The following LPIN1 variants were observed in gnomAD, a reference collection of about 807,000 sequenced individuals.
The protein encoded by LPIN1 is lipin 1, also known as phosphatidate phosphatase LPIN1.
Under a neutral mutation model 107.5 loss-of-function variants are expected in LPIN1, and 71 were observed. The observed-to-expected ratio is 0.66, with a 90% confidence interval of 0.55 to 0.80. The LOEUF is 0.80. LPIN1 is among the 30% of genes least tolerant of loss of function. The pLI is 0.00. For missense variants in LPIN1, 1,043 were observed against 1,160.6 expected, an observed-to-expected ratio of 0.90 and a Z score of 1.47; for synonymous variants, 445 against 452.6, an observed-to-expected ratio of 0.98 and a Z score of 0.21.
At chr2:11,813,856 G>T (rs1461705873) in intron 17 of LPIN1, among the ~76,000 whole-genome samples, 4 of 152,112 alleles carry the variant, frequency 2.6e-5, no homozygotes, top group Non-Finnish European at 4.4e-5. Context: ...AGAGGTTGCA[G>T]TGCGCCAAGA....
intron 1 of LPIN1, among the ~76,000 whole-genome samples, chr2:11,758,221 G>C (rs1184962077): frequency 2.6e-5 from 4 of 151,664 alleles, no homozygotes; most frequent in Admixed American, 1.3e-4. Flanking sequence ...ATGCTGCCAC[G>C]ACCATGGGTG....
intron 19 of LPIN1, 87 bp from the exon 20 acceptor site, chr2:11,820,324 A>C: frequency 7.3e-6 from 6 of 823,774 alleles, no homozygotes; most frequent in Non-Finnish European, 1.3e-5. Context: ...AAAATTTGAT[A>C]TCTCATCAAA....
At chr2:11,812,853 C>T (rs772112600) in intron 17 of LPIN1, among the ~76,000 whole-genome samples, 4 of 152,102 alleles carry the variant, frequency 2.6e-5, no homozygotes, top group East Asian at 3.9e-4. Flanking sequence ...TCAAGATTGT[C>T]GCAGCAACGG....
chr2:11,813,873 C>T (rs146170964), intron 17 of LPIN1, among the ~76,000 whole-genome samples: 1,745 of 152,048 alleles, frequency 0.011, 36 homozygotes, highest in African/African-American at 0.039. Flanking sequence ...AAGATCACGC[C>T]ACTGCGCTCC....
rs1474229123 is a variant in LPIN1, at chr2:11,803,595, G to C, written c.2013+562G>C. Among the ~76,000 whole-genome samples the C allele has an allele frequency of 1.3e-5, 2 of 152,160 alleles. No homozygotes were observed. The highest frequency in any genetic ancestry group is 2.9e-5 in the Non-Finnish European group (2 of 68,030). ...CTTGCTTTTTTGTGAATCAAGTCTT[G>C]TGCATTTCTCCTAAGAGTTAGTGGG... On this transcript the variant is annotated intron_variant, in intron 15 of 20. Transcript: ENST00000674199. This position sits in a 1 kb window ranked among gnomAD's most constrained non-coding sequence, Gnocchi z 4.2.
At chr2:11,696,794 C>T (rs1414484615) in intron 1 of LPIN1, among the ~76,000 whole-genome samples, 1 of 152,252 alleles carries the variant, frequency 6.6e-6, no homozygotes, top group African/African-American at 2.4e-5. Context: ...GAGGGAGCTC[C>T]TTCCTGCTGC....
At chr2:11,799,198 G>T (rs1387455110) in intron 14 of LPIN1, among the ~76,000 whole-genome samples, 1 of 152,096 alleles carries the variant, frequency 6.6e-6, no homozygotes, top group Non-Finnish European at 1.5e-5. Flanking sequence ...CTTTGTATCT[G>T]TGTTTTCCTT....
rs535696277 is a variant in LPIN1, at chr2:11,782,197, C to G, written c.958-4C>G. On this transcript the variant is annotated splice_polypyrimidine_tract_variant and splice_region_variant and intron_variant, in intron 7 of 20. Coordinates refer to ENST00000674199, the MANE Select transcript of LPIN1 (RefSeq NM_001349206.2). ...TCTCTGTCCCTCTCTCCTCTTTGCT[C>G]TAGTCTTCTTCTCCACACAAGATGA... 52 of 1,611,790 alleles carry G rather than the reference C, an allele frequency of 3.2e-5. No individual in the cohort carries two copies. The South Asian group carries it at 5.5e-4, about 17-fold the overall frequency.
chr2:11,744,974 A>T (rs1666747444), upstream of LPIN1, among the ~76,000 whole-genome samples: 1 of 152,238 alleles, frequency 6.6e-6, no homozygotes, highest in South Asian at 2.1e-4. Flanking sequence ...GCGTGTCCAC[A>T]CTTGACCAGA....
At chr2:11,761,945 A>G (rs186439964) in intron 1 of LPIN1, among the ~76,000 whole-genome samples, 16 of 152,174 alleles carry the variant, frequency 1.1e-4, no homozygotes, top group Admixed American at 9.8e-4. Flanking sequence ...GGTGCCTATA[A>G]TTCAATTCAA....
intron 14 of LPIN1, among the ~76,000 whole-genome samples, chr2:11,796,688 A>G (rs1676783355): frequency 6.6e-6 from 1 of 152,122 alleles, no homozygotes; most frequent in African/African-American, 2.4e-5. Flanking sequence ...GCACCAGGGT[A>G]TCGATATTTC....
intron 1 of LPIN1, among the ~76,000 whole-genome samples, chr2:11,726,698 G>A (rs1664699597): frequency 6.6e-6 from 1 of 152,114 alleles, no homozygotes; most frequent in African/African-American, 2.4e-5. Flanking sequence ...TTTAAAATAA[G>A]CCATAGAATT....
chr2:11,746,583 CT>C, upstream of LPIN1: 2 of 970,546 alleles, frequency 2.1e-6, no homozygotes, highest in Middle Eastern at 5.3e-4. Flanking sequence ...GCCCCCGCCC[CT>C]GCCCCGCCCC....
intron 1 of LPIN1, among the ~76,000 whole-genome samples, chr2:11,736,863 C>T (rs759138841): frequency 6.6e-6 from 1 of 152,188 alleles, no homozygotes; most frequent in Non-Finnish European, 1.5e-5. Flanking sequence ...CTGATTGGCT[C>T]ATGTTCATGG....
In LPIN1 at chr2:11,697,914, G is replaced by A. The variant is rs1662670771; in HGVS notation, c.82-15842G>A. ...AGGGGCAGCCCTCAGTCACAAGCCA[G>A]ACTAGTCACGCACCCCCGGCTGTGG... On this transcript the variant is annotated intron_variant, in intron 1 of 21. Transcript: ENST00000449576. The surrounding 1 kb of genome is among the most constrained non-coding windows in gnomAD (Gnocchi z 4.6). Among the ~76,000 whole-genome samples, 2 of 152,312 alleles carry A rather than the reference G, an allele frequency of 1.3e-5. No homozygotes were observed. Among genetic ancestry groups the A allele is most frequent in the African/African-American group, 2.4e-5 (1 of 41,574 alleles).
intron 1 of LPIN1, among the ~76,000 whole-genome samples, chr2:11,726,657 G>T (rs914536264): frequency 6.6e-6 from 1 of 152,100 alleles, no homozygotes; most frequent in African/African-American, 2.4e-5. Context: ...GTGATAGTAG[G>T]CATATGTGGC....
At chr2:11,818,791 TC>T (rs973512553) in intron 18 of LPIN1, 13 of 152,146 alleles carry the variant, frequency 8.5e-5, no homozygotes, top group South Asian at 2.1e-4. Context: ...TCCCTTCTAT[TC>T]CTGGTTGGAG....
At chr2:11,768,184 T>A (rs76093754) in intron 3 of LPIN1, among the ~76,000 whole-genome samples, 5,055 of 152,306 alleles carry the variant, frequency 0.033, 149 homozygotes, top group African/African-American at 0.08. Context: ...AAATGCCCAA[T>A]GTTCTTTTAT....
chr2:11,727,673 C>T lies in LPIN1; in HGVS notation c.-72+3134C>T, dbSNP rs1572428100. On this transcript the variant is annotated intron_variant, in intron 1 of 21. Transcript: ENST00000396097. ...TATTATCTTTCTATATTTTAAAGTC[C>T]ACGAGTTTATATCTGACTCCAATTC... Among the ~76,000 whole-genome samples the T allele has an allele frequency of 2.6e-5, 4 of 152,304 alleles. No individual in the cohort carries two copies. The East Asian group carries it at 7.7e-4, about 29-fold the overall frequency.
Sources: allele counts gnomAD v4.1 joint callset (sites outside exome capture counted in the v4.1 genomes callset), GRCh38; gene constraint gnomAD v4.1.1; non-coding constraint Gnocchi (gnomAD v3.1); transcripts MANE v1.5; gene names NCBI Gene and HGNC (gene_info 2026-07-23, HGNC 2026-07-21).